Variants in KBTBD11 observed in about 807,000 individuals in gnomAD.
KBTBD11 encodes kelch repeat and BTB domain-containing protein 11.
For missense variants in KBTBD11, 1,390 were observed against 1,001.8 expected, an observed-to-expected ratio of 1.39 and a Z score of -5.23; for synonymous variants, 747 against 499.0, an observed-to-expected ratio of 1.50 and a Z score of -6.63.
In KBTBD11 at chr8:1,988,281, C is replaced by T. The variant is rs183605457; in HGVS notation, c.-908-12004C>T. 1.3e-4 allele frequency among the ~76,000 whole-genome samples: 20 copies of T among 152,318 alleles called. No homozygotes were observed. In the East Asian group the frequency reaches 3.7e-3, roughly 28 times the overall value. ...ATGGCTGGGTCAAATGGTATTTCTA[C>T]TTCTAGATCCCTGAGGAATCGCCAA... On this transcript the variant is annotated intron_variant, in intron 1 of 1. Coordinates refer to ENST00000320248, the MANE Select transcript of KBTBD11 (RefSeq NM_014867.3).
chr8:1,987,923 C>T (rs933677156), intron 1 of KBTBD11, among the ~76,000 whole-genome samples: 7 of 152,214 alleles, frequency 4.6e-5, no homozygotes, highest in African/African-American at 1.7e-4. Flanking sequence ...TGATGTTCCC[C>T]GCCCTGTTTC....
intron 1 of KBTBD11, among the ~76,000 whole-genome samples, chr8:1,992,173 C>T (rs1192920669): frequency 6.6e-6 from 1 of 152,138 alleles, no homozygotes; most frequent in Non-Finnish European, 1.5e-5. Flanking sequence ...CGGGCTTTGT[C>T]ACTGCCTGAA....
chr8:1,982,482 A>G lies in KBTBD11; in HGVS notation c.-909+8547A>G, dbSNP rs78989522. On this transcript the variant is annotated intron_variant, in intron 1 of 1. Coordinates refer to ENST00000320248, the MANE Select transcript of KBTBD11 (RefSeq NM_014867.3). ...GTGCATGAATGGGTTAAAAAAACAT[A>G]TAAGACCCCACTATATGCTGCCTAC... 3.2e-3 allele frequency among the ~76,000 whole-genome samples: 463 copies of G among 145,718 alleles called. 2 individuals are homozygous for G. Among genetic ancestry groups the G allele is most frequent in the African/African-American group, 0.011 (451 of 40,630 alleles).
chr8:1,978,148 C>T (rs1440907262), intron 1 of KBTBD11, among the ~76,000 whole-genome samples: 1 of 152,212 alleles, frequency 6.6e-6, no homozygotes, highest in Non-Finnish European at 1.5e-5. Flanking sequence ...CTGATGCTCT[C>T]CCTCCGCCGC....
rs781135669 is a variant in KBTBD11 at position 2,002,503 on chromosome 8, C to T, written c.1311C>T (p.Pro437=). The change falls in exon 2 of 2, where the codon CCC becomes CCT. Residue 437 remains proline, a synonymous_variant. Transcript: ENST00000320248. The surrounding 1 kb of genome is among the most constrained non-coding windows in gnomAD (Gnocchi z 4.1). ...RYDPRADRWA[P]VAPLPRGAFA... The stretch of plus-strand genomic sequence containing the variant: ...ACCCGCGCGCCGACCGCTGGGCCCC[C>T]GTGGCGCCGCTGCCCCGGGGCGCCT... 1.7e-5 allele frequency: 26 copies of T among 1,512,660 alleles called. No individual in the cohort carries two copies. The African/African-American group carries it at 3.7e-4, about 22-fold the overall frequency. 93.7% of individuals were successfully genotyped at this position (1,512,660 alleles called of 1,614,324 possible). A position where few individuals can be genotyped will look rare whatever the true frequency, so the allele number is the denominator to read the frequency against.
intron 1 of KBTBD11, among the ~76,000 whole-genome samples, chr8:1,977,863 C>G (rs1443092772): frequency 6.6e-6 from 1 of 152,104 alleles, no homozygotes; most frequent in African/African-American, 2.4e-5. Context: ...AAAATTCTTA[C>G]AATAGTGGGC....
Position 1,973,877 on chromosome 8 carries a change from G to A in KBTBD11, c.-967G>A. The A allele has an allele frequency of 1.0e-6, 1 of 982,974 alleles. No individual in the cohort carries two copies. The highest frequency in any genetic ancestry group is 1.2e-6 in the Non-Finnish European group (1 of 828,958). The allele number at this position is 982,974 out of a possible 1,614,324, so 60.9% of individuals were successfully genotyped here. On this transcript the variant is annotated 5_prime_UTR_variant, in exon 1 of 2. Coordinates refer to ENST00000320248, the MANE Select transcript of KBTBD11 (RefSeq NM_014867.3). ...GGGAAGCGGCCGCGCGCATGCGCCG[G>A]AGCCCACCCGCCTGGCTGCGCGTCC...
chr8:1,989,594 A>G (rs1360472419), intron 1 of KBTBD11, among the ~76,000 whole-genome samples: 4 of 152,210 alleles, frequency 2.6e-5, no homozygotes, highest in Admixed American at 6.5e-5. Context: ...TAAAAAATCC[A>G]TTAATCAGAT....
chr8:1,983,324 G>C (rs991466032), intron 1 of KBTBD11, among the ~76,000 whole-genome samples: 2 of 152,196 alleles, frequency 1.3e-5, no homozygotes, highest in African/African-American at 4.8e-5. Flanking sequence ...TTCTCAGCCA[G>C]GATGTAACAG....
At chr8:1,985,456 C>T (rs1468283609) in intron 1 of KBTBD11, among the ~76,000 whole-genome samples, 4 of 152,280 alleles carry the variant, frequency 2.6e-5, no homozygotes, top group African/African-American at 7.2e-5. Context: ...TGCTCTTCCA[C>T]AGCAGCGTCT....
chr8:1,998,091 A>C (rs1006007300), intron 1 of KBTBD11, among the ~76,000 whole-genome samples: 1 of 152,264 alleles, frequency 6.6e-6, no homozygotes, highest in African/African-American at 2.4e-5. Context: ...AAAATGCTCC[A>C]AAATCTGAAC....
At chr8:1,984,162 T>A (rs6558569) in intron 1 of KBTBD11, among the ~76,000 whole-genome samples, 1 of 152,050 alleles carries the variant, frequency 6.6e-6, no homozygotes, top group African/African-American at 2.4e-5. Context: ...CGTGGGCCAG[T>A]CACAGTGGCC....
intron 1 of KBTBD11, among the ~76,000 whole-genome samples, chr8:1,982,561 C>T (rs1181018373): frequency 6.6e-6 from 1 of 152,134 alleles, no homozygotes; most frequent in Non-Finnish European, 1.5e-5. Flanking sequence ...GGGATGGGAA[C>T]AGATACTCCA....
intron 1 of KBTBD11, among the ~76,000 whole-genome samples, chr8:1,996,875 C>T (rs1376110075): frequency 6.6e-6 from 1 of 152,030 alleles, no homozygotes; most frequent in African/African-American, 2.4e-5. Flanking sequence ...CTTACATCTT[C>T]TGGGGGAAAA....
intron 1 of KBTBD11, among the ~76,000 whole-genome samples, chr8:1,979,434 A>C (rs987006113): frequency 1.3e-5 from 2 of 152,208 alleles, no homozygotes; most frequent in African/African-American, 4.8e-5. Context: ...GTTTGAGACC[A>C]GCCTGGCCAA....
In KBTBD11 at chr8:2,004,348, A is replaced by G. The variant is rs900210344; in HGVS notation, c.*1284A>G. On this transcript the variant is annotated 3_prime_UTR_variant, in exon 2 of 2. Transcript: ENST00000320248. ...TGTATACAGAGGACTTACTATTATG[A>G]CTTTGAGGATGAGATCCATGCTCAC... 4 of 166,838 alleles carry G rather than the reference A, an allele frequency of 2.4e-5. No homozygotes were observed. In the Admixed American group the frequency reaches 2.6e-4, roughly 11 times the overall value. 10.3% of individuals were successfully genotyped at this position (166,838 alleles called of 1,614,324 possible). A position where few individuals can be genotyped will look rare whatever the true frequency, so the allele number is the denominator to read the frequency against.
At chr8:1,985,224 C>T (rs1171275625) in intron 1 of KBTBD11, among the ~76,000 whole-genome samples, 6 of 152,238 alleles carry the variant, frequency 3.9e-5, no homozygotes, top group Non-Finnish European at 7.3e-5. Context: ...GAGAGCACCT[C>T]GTGAGGTGTC....
Position 2,001,217 on chromosome 8 carries a change from G to C in KBTBD11, c.25G>C (p.Val9Leu). Reference protein sequence around the residue: MEHAVAPCVLYPGTEPGAA... With the variant: MEHAVAPCLLYPGTEPGAA... ...CATGGAGCACGCGGTGGCCCCCTGC[G>C]TCCTCTACCCAGGGACTGAGCCCGG... The change falls in exon 2 of 2, where the codon GTC becomes CTC. Residue 9 changes from valine (V) to leucine (L), a missense_variant. By Grantham distance (32) the Val-to-Leu change is conservative. Coordinates refer to ENST00000320248, the MANE Select transcript of KBTBD11 (RefSeq NM_014867.3). 7.1e-7 allele frequency: 1 copy of C among 1,416,552 alleles called. No individual in the cohort carries two copies. Among genetic ancestry groups the C allele is most frequent in the Non-Finnish European group, 9.2e-7 (1 of 1,083,420 alleles). The allele number at this position is 1,416,552 out of a possible 1,614,324, so 87.7% of individuals were successfully genotyped here. A position where few individuals can be genotyped will look rare whatever the true frequency, so the allele number is the denominator to read the frequency against.
intron 1 of KBTBD11, among the ~76,000 whole-genome samples, chr8:1,996,948 C>G (rs994908550): frequency 3.3e-5 from 5 of 152,042 alleles, no homozygotes; most frequent in Admixed American, 6.6e-5. Context: ...AGCCCTTGTT[C>G]TTATGAAATG....
Sources: gnomAD v4.1 joint callset for allele counts (sites outside exome capture counted in the v4.1 genomes callset) on GRCh38, gnomAD v4.1.1 for gene constraint, Gnocchi (gnomAD v3.1) non-coding constraint, MANE v1.5 for transcripts, NCBI Gene and HGNC (gene_info 2026-07-23, HGNC 2026-07-21) for gene names.